RRAGD: variants seen among roughly 807,000 people sequenced by gnomAD.
RRAGD encodes the protein Ras related GTP binding D.
RRAGD carries 12 observed loss-of-function variants against 35.5 expected under a neutral mutation model. That is an observed-to-expected ratio of 0.34 (90% CI 0.22 to 0.55). RRAGD has a LOEUF of 0.55. Ranked by LOEUF, RRAGD falls within the 20% of genes least tolerant of loss-of-function variation. The pLI, the probability that RRAGD is intolerant of heterozygous loss-of-function variation, is 0.91. For missense variants in RRAGD, 324 were observed against 490.1 expected, an observed-to-expected ratio of 0.66 and a Z score of 3.20; for synonymous variants, 155 against 178.9, an observed-to-expected ratio of 0.87 and a Z score of 1.07.
At position 89,411,760 on chromosome 6, in the gene RRAGD, G is replaced by T; in HGVS notation, c.148+86C>A. On this transcript the variant is annotated intron_variant, in intron 1 of 6. Transcript: ENST00000369415. The surrounding 1 kb of genome is among the most constrained non-coding windows in gnomAD (Gnocchi z 5.6). The stretch of plus-strand genomic sequence containing the variant: ...TCCCCTGGACCCCCTCCAAGTCGGT[G>T]GCTCGCGCACGGCCGGGCTGGGGGC... The T allele has an allele frequency of 7.0e-7, 1 of 1,418,596 alleles. No homozygotes were observed. The highest frequency in any genetic ancestry group is 1.3e-5 in the South Asian group (1 of 74,860). The allele number at this position is 1,418,596 out of a possible 1,614,324, so 87.9% of individuals were successfully genotyped here.
chr6:89,368,845 AG>A (rs1768803681), intron 6 of RRAGD, among the ~76,000 whole-genome samples: 1 of 152,210 alleles, frequency 6.6e-6, no homozygotes, highest in Admixed American at 6.5e-5. Flanking sequence ...GAAATGTATC[AG>A]TGACACAAAA....
intron 1 of RRAGD, among the ~76,000 whole-genome samples, chr6:89,396,931 G>C (rs1299091228): frequency 2.0e-5 from 3 of 150,942 alleles, no homozygotes; most frequent in Non-Finnish European, 4.4e-5. Flanking sequence ...AGTAGAGATG[G>C]GGTTTCACCA....
At chr6:89,381,636 G>A (rs1769045452) in intron 2 of RRAGD, among the ~76,000 whole-genome samples, 1 of 152,190 alleles carries the variant, frequency 6.6e-6, no homozygotes, top group Non-Finnish European at 1.5e-5. Flanking sequence ...TAAGTTGTGT[G>A]TATATTATAG....
chr6:89,378,378 G>C (rs748946539), intron 4 of RRAGD, among the ~76,000 whole-genome samples: 1 of 151,862 alleles, frequency 6.6e-6, no homozygotes, highest in Non-Finnish European at 1.5e-5. Context: ...TTCCTAACTC[G>C]TAGAGATACA....
chr6:89,388,743 T>G (rs896955867), intron 1 of RRAGD, among the ~76,000 whole-genome samples: 3 of 152,200 alleles, frequency 2.0e-5, no homozygotes, highest in Non-Finnish European at 4.4e-5. Context: ...CTATTATTAT[T>G]GCATTGTCCT....
At chr6:89,396,177 T>A (rs1056989634) in intron 1 of RRAGD, among the ~76,000 whole-genome samples, 4 of 151,746 alleles carry the variant, frequency 2.6e-5, no homozygotes, top group Non-Finnish European at 2.9e-5. Flanking sequence ...ATAACAATAA[T>A]AAAATTTAGA....
intron 1 of RRAGD, among the ~76,000 whole-genome samples, chr6:89,401,531 C>T (rs1769461140): frequency 6.6e-6 from 1 of 152,158 alleles, no homozygotes; most frequent in African/African-American, 2.4e-5. Flanking sequence ...GCTGGGATAA[C>T]ATGCGTGAAC....
At position 89,411,415 on chromosome 6, in the gene RRAGD, G is replaced by A. The variant is rs1769690048; in HGVS notation, c.148+431C>T. 1 of 155,996 alleles carries A rather than the reference G, an allele frequency of 6.4e-6. No homozygotes were observed. Among genetic ancestry groups the A allele is most frequent in the South Asian group, 2.0e-4 (1 of 4,916 alleles). The allele number at this position is 155,996 out of a possible 1,614,324, so 9.7% of individuals were successfully genotyped here. A position where few individuals can be genotyped will look rare whatever the true frequency, so the allele number is the denominator to read the frequency against. ...CGACCCTGCCAGTCACGCCGCCGCC[G>A]GCTGCCTTTTTTTAGCCACGACATC... On this transcript the variant is annotated intron_variant, in intron 1 of 6. Transcript: ENST00000369415. The surrounding 1 kb of genome is among the most constrained non-coding windows in gnomAD (Gnocchi z 5.6).
intron 2 of RRAGD, among the ~76,000 whole-genome samples, chr6:89,381,390 T>C (rs1336187445): frequency 6.6e-6 from 1 of 152,192 alleles, no homozygotes; most frequent in Non-Finnish European, 1.5e-5. Context: ...CATGCCTATA[T>C]AATGAACACC....
In RRAGD at chr6:89,365,030, C is replaced by T. The variant is rs895376055; in HGVS notation, c.*3026G>A. The T allele has an allele frequency of 6.6e-6, 1 of 152,072 alleles. No individual in the cohort carries two copies. The highest frequency in any genetic ancestry group is 1.5e-5 in the Non-Finnish European group (1 of 68,024). The allele number at this position is 152,072 out of a possible 1,614,324, so 9.4% of individuals were successfully genotyped here. On this transcript the variant is annotated 3_prime_UTR_variant, in exon 7 of 7. Transcript: ENST00000369415. The stretch of plus-strand genomic sequence containing the variant: ...TGAATACATACCATACTTTAATAAC[C>T]AAGACAATTCAGCTGTTTTTCCAGA...
At chr6:89,378,866 C>T (rs899848003) in intron 4 of RRAGD, among the ~76,000 whole-genome samples, 2 of 152,142 alleles carry the variant, frequency 1.3e-5, no homozygotes, top group Admixed American at 1.3e-4. Context: ...CAAGTAAGTA[C>T]TCCTTCCACC....
At chr6:89,395,017 G>A (rs960215618) in intron 1 of RRAGD, among the ~76,000 whole-genome samples, 1 of 152,178 alleles carries the variant, frequency 6.6e-6, no homozygotes, top group African/African-American at 2.4e-5. Flanking sequence ...AGCACTTTGG[G>A]AGGTTGAGGT....
chr6:89,405,519 C>G (rs1562467740), intron 1 of RRAGD, among the ~76,000 whole-genome samples: 1 of 151,936 alleles, frequency 6.6e-6, no homozygotes, highest in Non-Finnish European at 1.5e-5. Context: ...CCTTCATTTC[C>G]TCCTCTATCA....
chr6:89,380,471 C>T (rs1349751129), intron 2 of RRAGD, 104 bp from the exon 3 acceptor site: 14 of 925,022 alleles, frequency 1.5e-5, no homozygotes, highest in South Asian at 6.7e-5. Context: ...CCCCGAAATA[C>T]GTTGCAAAGG....
intron 6 of RRAGD, among the ~76,000 whole-genome samples, chr6:89,368,933 G>A (rs1768811205): frequency 6.6e-6 from 1 of 152,136 alleles, no homozygotes; most frequent in African/African-American, 2.4e-5. Context: ...AGTCCTGAGA[G>A]CAACATTATG....
intron 5 of RRAGD, among the ~76,000 whole-genome samples, chr6:89,374,817 GA>G (rs1768910723): frequency 6.6e-6 from 1 of 151,458 alleles, no homozygotes; most frequent in Non-Finnish European, 1.5e-5. Flanking sequence ...AAACATTAAA[GA>G]AAAACCTTTT....
intron 3 of RRAGD, among the ~76,000 whole-genome samples, chr6:89,379,760 A>C (rs1013228803): frequency 6.6e-6 from 1 of 152,232 alleles, no homozygotes; most frequent in African/African-American, 2.4e-5. Flanking sequence ...ACTACCTCAC[A>C]AAAAATGATG....
chr6:89,401,723 C>T (rs1769465879), intron 1 of RRAGD, among the ~76,000 whole-genome samples: 1 of 152,192 alleles, frequency 6.6e-6, no homozygotes, highest in Non-Finnish European at 1.5e-5. Flanking sequence ...CCTCCTTCTT[C>T]AGCTCAGCCC....
intron 1 of RRAGD, among the ~76,000 whole-genome samples, chr6:89,406,525 G>A (rs573612858): frequency 4.3e-4 from 65 of 152,176 alleles, no homozygotes; most frequent in African/African-American, 1.5e-3. Context: ...TCGAGAGGAC[G>A]TTGGGAGCAC....
Sources: gnomAD v4.1 joint callset for allele counts (sites outside exome capture counted in the v4.1 genomes callset) on GRCh38, gnomAD v4.1.1 for gene constraint, Gnocchi (gnomAD v3.1) non-coding constraint, MANE v1.5 for transcripts, NCBI Gene and HGNC (gene_info 2026-07-23, HGNC 2026-07-21) for gene names.